The following ULK4 variants were observed in gnomAD, a reference collection of about 807,000 sequenced individuals.
The protein encoded by ULK4 is unc-51 like kinase 4.
ULK4 carries 133 observed loss-of-function variants against 160.6 expected under a neutral mutation model. The observed-to-expected ratio is 0.83, with a 90% CI of 0.72 to 0.96. The LOEUF (loss-of-function observed/expected upper bound fraction) is 0.96, where lower values mean the gene tolerates loss of function less well. Ranked by LOEUF, ULK4 falls within the 40% of genes least tolerant of loss-of-function variation. ULK4 has a pLI of 0.00. For missense variants in ULK4, 1,580 were observed against 1,499.5 expected (o/e 1.05, Z -0.89); for synonymous variants, 534 against 539.8 (o/e 0.99, Z 0.15).
chr3:41,417,104 C>T (rs918681302), intron 34 of ULK4, among the ~76,000 whole-genome samples: 1 of 152,194 alleles, frequency 6.6e-6, no homozygotes, highest in African/African-American at 2.4e-5. Context: ...CCACTCTCTT[C>T]TGCCTCTACG....
At chr3:41,388,584 T>C (rs2081878386) in intron 35 of ULK4, among the ~76,000 whole-genome samples, 1 of 152,164 alleles carries the variant, frequency 6.6e-6, no homozygotes, top group African/African-American at 2.4e-5. Context: ...GTTTCAGCTT[T>C]CTACATATGG....
chr3:41,661,486 CAGAT>C (rs1242477481), intron 30 of ULK4, among the ~76,000 whole-genome samples: 1 of 134,820 alleles, frequency 7.4e-6, no homozygotes, highest in Non-Finnish European at 1.5e-5. Context: ...GATAGGCAGG[CAGAT>C]AGACAGATAG....
At chr3:41,247,047 T>TCCC in intron 36 of ULK4, 55 bp from the exon 37 acceptor site, 2 of 1,529,542 alleles carry the variant, frequency 1.3e-6, no homozygotes, top group Non-Finnish European at 1.8e-6. Context: ...GGTAAAGTGC[T>TCCC]CCCCCCTTTC....
At chr3:41,438,856 G>A (rs77272874) in intron 34 of ULK4, among the ~76,000 whole-genome samples, 4,480 of 151,820 alleles carry the variant, frequency 0.03, 222 homozygotes, top group African/African-American at 0.099. Flanking sequence ...AAAACCTTCC[G>A]GGGCACATTT....
intron 22 of ULK4, among the ~76,000 whole-genome samples, chr3:41,746,504 C>A (rs2038429408): frequency 6.7e-6 from 1 of 148,522 alleles, no homozygotes; most frequent in South Asian, 2.1e-4. Flanking sequence ...AAAAAAAAAA[C>A]TAAATAAATA....
At chr3:41,309,665 G>A (rs1047058401) in intron 35 of ULK4, among the ~76,000 whole-genome samples, 2 of 152,060 alleles carry the variant, frequency 1.3e-5, no homozygotes, top group Non-Finnish European at 2.9e-5. Context: ...GTTTTAGAAC[G>A]ATTACTTTAG....
At chr3:41,575,238 T>C (rs1314165913) in intron 31 of ULK4, among the ~76,000 whole-genome samples, 4 of 152,220 alleles carry the variant, frequency 2.6e-5, no homozygotes, top group African/African-American at 9.6e-5. Flanking sequence ...TATATGGATT[T>C]CCTAGGAAGA....
At chr3:41,353,738 CTA>C (rs1559540492) in intron 35 of ULK4, among the ~76,000 whole-genome samples, 5 of 147,606 alleles carry the variant, frequency 3.4e-5, no homozygotes, top group Admixed American at 2.0e-4. Context: ...ACTACTACTA[CTA>C]CTACTACTAC....
Position 41,549,382 on chromosome 3 carries a change from G to A in ULK4, c.3226+16643C>T, listed in dbSNP as rs544175458. 4.7e-3 allele frequency among the ~76,000 whole-genome samples: 719 copies of A among 152,000 alleles called. 1 individual carries two copies. The highest frequency in any genetic ancestry group is 7.8e-3 in the Non-Finnish European group (531 of 67,942). ...ACCAAACAGAAAATCTGGAACTGAA[G>A]AATTAAATGAATGGAATAAAAATTC... On this transcript the variant is annotated intron_variant, in intron 32 of 36. Coordinates refer to ENST00000301831, the MANE Select transcript of ULK4 (RefSeq NM_017886.4).
chr3:41,751,114 A>T (rs2038613768), intron 22 of ULK4, among the ~76,000 whole-genome samples: 1 of 151,242 alleles, frequency 6.6e-6, no homozygotes, highest in South Asian at 2.1e-4. Context: ...ATGGGCTGGG[A>T]CAAATCTCTG....
At chr3:41,348,291 T>C (rs1359622909) in intron 35 of ULK4, among the ~76,000 whole-genome samples, 1 of 151,794 alleles carries the variant, frequency 6.6e-6, no homozygotes, top group Non-Finnish European at 1.5e-5. Flanking sequence ...GGATGAAGTT[T>C]TGACACAGGC....
chr3:41,282,201 G>C (rs935982870), intron 35 of ULK4, among the ~76,000 whole-genome samples: 1 of 152,094 alleles, frequency 6.6e-6, no homozygotes, highest in African/African-American at 2.4e-5. Flanking sequence ...AGGAAGAATT[G>C]ATATCGTGAA....
intron 35 of ULK4, among the ~76,000 whole-genome samples, chr3:41,263,068 G>A (rs1431433212): frequency 2.6e-5 from 4 of 152,162 alleles, no homozygotes; most frequent in Admixed American, 6.5e-5. Flanking sequence ...AGAAAAGCAC[G>A]AGAGCATAGA....
chr3:41,695,003 G>A (rs1295818465), intron 27 of ULK4, among the ~76,000 whole-genome samples: 1 of 152,176 alleles, frequency 6.6e-6, no homozygotes, highest in African/African-American at 2.4e-5. Flanking sequence ...TCACAGTTTA[G>A]GAGGCTGGGA....
intron 17 of ULK4, among the ~76,000 whole-genome samples, chr3:41,840,893 G>A (rs570954179): frequency 1.3e-3 from 194 of 150,420 alleles, no homozygotes; most frequent in Admixed American, 1.6e-3. Context: ...AGTGAGGAGC[G>A]CCTCTGCCCT....
chr3:41,461,159 T>C (rs928770977), intron 33 of ULK4, among the ~76,000 whole-genome samples: 2 of 152,182 alleles, frequency 1.3e-5, no homozygotes, highest in Non-Finnish European at 2.9e-5. Flanking sequence ...CCCATACACA[T>C]ACTTGCATCA....
At chr3:41,635,395 T>TTATAAAAAAAATTATAAAA (rs2033911701) in intron 30 of ULK4, among the ~76,000 whole-genome samples, 1 of 151,978 alleles carries the variant, frequency 6.6e-6, no homozygotes, top group Non-Finnish European at 1.5e-5. Context: ...TTATAAAAAA[T>TTATAAAAAAAATTATAAAA]AATTATTAAG....
At chr3:41,673,284 T>C (rs924073190) in intron 29 of ULK4, among the ~76,000 whole-genome samples, 20 of 152,098 alleles carry the variant, frequency 1.3e-4, no homozygotes, top group Non-Finnish European at 7.4e-5. Flanking sequence ...AAAGAAGCAA[T>C]ACAGAACCAC....
chr3:41,675,271 G>A (rs1013463429), intron 29 of ULK4, among the ~76,000 whole-genome samples: 5 of 151,694 alleles, frequency 3.3e-5, no homozygotes, highest in African/African-American at 1.2e-4. Flanking sequence ...TTCTGAAGAT[G>A]TAGTTAAGAA....
Sources: gnomAD v4.1 joint callset for allele counts (sites outside exome capture counted in the v4.1 genomes callset) on GRCh38, gnomAD v4.1.1 for gene constraint, MANE v1.5 for transcripts, NCBI Gene and HGNC (gene_info 2026-07-23, HGNC 2026-07-21) for gene names.